EXOSC7: variants seen among roughly 807,000 people sequenced by gnomAD.
EXOSC7 encodes the protein exosome component 7.
EXOSC7 carries 25 observed loss-of-function variants against 34.3 expected under a neutral mutation model. The ratio of observed to expected loss-of-function variants is 0.73; its 90% CI spans 0.53 to 1.02. The LOEUF is 1.02. Ranked by LOEUF, EXOSC7 falls within the 50% of genes least tolerant of loss-of-function variation. EXOSC7 has a pLI of 0.00. For missense variants in EXOSC7, 370 were observed against 368.5 expected (o/e 1.00, Z -0.03); for synonymous variants, 130 against 143.0 (o/e 0.91, Z 0.65).
Position 45,007,590 on chromosome 3 carries a change from C to T in EXOSC7, c.771+15C>T, listed in dbSNP as rs199699866. 1 of 1,592,196 alleles carries T rather than the reference C, an allele frequency of 6.3e-7. No individual in the cohort carries two copies. ...AGATGATGGAGGTGAGGCCTTAGTT[C>T]TGAGGAAGGTGCAGGGACCTGGCCG... On this transcript the variant is annotated intron_variant, in intron 7 of 7. Coordinates refer to ENST00000265564, the MANE Select transcript of EXOSC7 (RefSeq NM_015004.4).
intron 1 of EXOSC7, among the ~76,000 whole-genome samples, chr3:44,979,950 G>T (rs566197627): frequency 9.9e-5 from 15 of 152,034 alleles, no homozygotes; most frequent in African/African-American, 2.9e-4. Context: ...AGTATGGGGG[G>T]GGTTTCAGGG....
chr3:45,010,062 T>G (rs772053415), intron 7 of EXOSC7, among the ~76,000 whole-genome samples: 29 of 152,142 alleles, frequency 1.9e-4, no homozygotes, highest in Non-Finnish European at 3.1e-4. Context: ...GATTTAGGCA[T>G]GGATGTTTTT....
intron 7 of EXOSC7, among the ~76,000 whole-genome samples, chr3:45,010,998 G>C (rs1219736465): frequency 6.6e-6 from 1 of 152,142 alleles, no homozygotes; most frequent in East Asian, 1.9e-4. Context: ...TGCCTGGTGG[G>C]GGCTGGTGTT....
chr3:45,009,223 G>A (rs1385558793), intron 7 of EXOSC7, among the ~76,000 whole-genome samples: 6 of 152,182 alleles, frequency 3.9e-5, no homozygotes, highest in African/African-American at 1.4e-4. Flanking sequence ...GGGGAGTGAG[G>A]TCTGCTAACT....
intron 3 of EXOSC7, among the ~76,000 whole-genome samples, 172 bp downstream of exon 3, chr3:44,989,816 C>T (rs1480646526): frequency 6.6e-6 from 1 of 152,164 alleles, no homozygotes; most frequent in East Asian, 1.9e-4. Flanking sequence ...GGACTCTTGG[C>T]TTGAGTCCTG....
Position 44,989,562 on chromosome 3 carries a change from A to G in EXOSC7, c.172A>G (p.Ile58Val), listed in dbSNP as rs1458396154. The change falls in exon 3 of 8, where the codon ATC becomes GTC. Residue 58 changes from isoleucine to valine, a missense_variant. By Grantham distance (29) the Ile-to-Val change is conservative. Coordinates refer to ENST00000265564, the MANE Select transcript of EXOSC7 (RefSeq NM_015004.4). ...SARVKLGHTD[I>V]LVGVKAEMGT... is the part of the protein sequence containing the mutation. ...CATGTGTCTGCAGGGTCACACAGAC[A>G]TCTTGGTGGGAGTGAAAGCAGAAAT... 5 of 1,613,930 alleles carry G rather than the reference A, an allele frequency of 3.1e-6. No individual in the cohort carries two copies. Among genetic ancestry groups the G allele is most frequent in the East Asian group, 2.2e-5 (1 of 44,878 alleles).
chr3:45,006,417 T>G (rs1443048385), intron 6 of EXOSC7, among the ~76,000 whole-genome samples: 6 of 132,464 alleles, frequency 4.5e-5, no homozygotes, highest in Non-Finnish European at 8.1e-5. Flanking sequence ...TTTTTTTTTT[T>G]TTTTTTTTTT....
chr3:45,000,661 C>A (rs932801387), intron 4 of EXOSC7, among the ~76,000 whole-genome samples: 1 of 152,194 alleles, frequency 6.6e-6, no homozygotes, highest in Admixed American at 6.5e-5. Flanking sequence ...TATTTCATGT[C>A]TGAGCATCAG....
At chr3:45,001,433 A>G in intron 4 of EXOSC7, 105 bp from the exon 5 acceptor site, 1 of 836,746 alleles carries the variant, frequency 1.2e-6, no homozygotes, top group Non-Finnish European at 2.0e-6. Flanking sequence ...ACAGAGCGAG[A>G]CTCTGTCTCA....
intron 1 of EXOSC7, among the ~76,000 whole-genome samples, chr3:44,978,922 A>G (rs1186401766): frequency 6.6e-6 from 1 of 152,208 alleles, no homozygotes; most frequent in Non-Finnish European, 1.5e-5. Flanking sequence ...GGTTCTTAGT[A>G]GCATTGAATG....
rs1706743986 is a variant in EXOSC7, at chr3:44,997,155, C to A, written c.323C>A (p.Thr108Asn). 1 of 1,614,050 alleles carries A rather than the reference C, an allele frequency of 6.2e-7. No homozygotes were observed. The highest frequency in any genetic ancestry group is 1.7e-5 in the Admixed American group (1 of 60,016). The change falls in exon 4 of 8, where the codon ACC becomes AAC. Residue 108 changes from threonine (T) to asparagine (N), a missense_variant. Physicochemically the swap from Thr to Asn is moderately conservative, Grantham distance 65. Around this residue, in one of 3 missense-constraint regions of EXOSC7, gnomAD observed 255 missense variants for 246.4 expected, o/e 1.03. Coordinates refer to ENST00000265564, the MANE Select transcript of EXOSC7 (RefSeq NM_015004.4). Reference sequence around the variant, plus strand: ...GACCTTGGCACCGAGATCGCTAACACCCTCTATCGGATATTTAACAATAAA... The same window carrying A: ...GACCTTGGCACCGAGATCGCTAACAACCTCTATCGGATATTTAACAATAAA... ...GDDLGTEIAN[T>N]LYRIFNNKSS...
downstream of EXOSC7, chr3:45,011,484 T>G (rs1439244384): frequency 1.7e-6 from 1 of 574,458 alleles, no homozygotes; most frequent in East Asian, 3.3e-5. Flanking sequence ...GTTTGGTATG[T>G]CTAGAGTTCT....
At chr3:44,981,771 G>A (rs1386641909) in intron 1 of EXOSC7, among the ~76,000 whole-genome samples, 2 of 152,232 alleles carry the variant, frequency 1.3e-5, no homozygotes, top group East Asian at 3.9e-4. Context: ...TTAGGTGTGT[G>A]GTGGTGTGTG....
chr3:45,007,222 T>TACC (rs1707073322), intron 6 of EXOSC7, among the ~76,000 whole-genome samples, 198 bp from the exon 7 acceptor site: 1 of 152,230 alleles, frequency 6.6e-6, no homozygotes, highest in African/African-American at 2.4e-5. Flanking sequence ...GTTTTTATTG[T>TACC]ACCACCCACA....
intron 3 of EXOSC7, among the ~76,000 whole-genome samples, chr3:44,995,214 C>T (rs1268987063): frequency 2.6e-5 from 4 of 152,102 alleles, no homozygotes; most frequent in African/African-American, 9.7e-5. Context: ...AACCCCCGAC[C>T]TCAGGTGATC....
At chr3:45,004,287 A>G (rs1706966770) in intron 5 of EXOSC7, 1 of 150,430 alleles carries the variant, frequency 6.6e-6, no homozygotes, top group Admixed American at 6.6e-5. Flanking sequence ...ATGGAGTCTC[A>G]CTCTGTCTCC....
chr3:44,990,873 C>A (rs1646657120), intron 3 of EXOSC7, among the ~76,000 whole-genome samples: 1 of 152,200 alleles, frequency 6.6e-6, no homozygotes, highest in Non-Finnish European at 1.5e-5. Context: ...AAGGGCCAAC[C>A]CTGCAAACAG....
rs1284304750 is a variant in EXOSC7, at chr3:45,001,563, T to C, written c.446T>C (p.Phe149Ser). 6.2e-7 allele frequency: 1 copy of C among 1,613,794 alleles called. No individual in the cohort carries two copies. Among genetic ancestry groups the C allele is most frequent in the East Asian group, 2.2e-5 (1 of 44,894 alleles). Residue 149 changes from phenylalanine to serine, a missense_variant, in exon 5 of 8, where the codon TTT becomes TCT. By Grantham distance (155) the Phe-to-Ser change is radical (BLOSUM62 -2). Coordinates refer to ENST00000265564, the MANE Select transcript of EXOSC7 (RefSeq NM_015004.4). ...CTTCTGGAATGTGGTGGAAATTTGT[T>C]TGATGCCATTTCCATTGCTGTAAAG... ...VLLLECGGNLFDAISIAVKAA... is the reference protein window; with the variant it reads ...VLLLECGGNLSDAISIAVKAA...
At chr3:44,994,856 GGTGTGTGTGT>G (rs34579096) in intron 3 of EXOSC7, among the ~76,000 whole-genome samples, 40,862 of 134,832 alleles carry the variant, frequency 0.3, 6,272 homozygotes, top group East Asian at 0.6. Context: ...TGGAAGAATG[GGTGTGTGTGT>G]GTGTGTGTGT....
Sources: gnomAD v4.1 joint callset for allele counts (sites outside exome capture counted in the v4.1 genomes callset) on GRCh38, gnomAD v4.1.1 for gene constraint, gnomAD v4.1.1 regional missense constraint, MANE v1.5 for transcripts, NCBI Gene and HGNC (gene_info 2026-07-23, HGNC 2026-07-21) for gene names.